Variants in LRRC41 observed in about 807,000 individuals in gnomAD.
LRRC41 encodes leucine rich repeat containing 41, also known as leucine-rich repeat-containing protein 41.
In LRRC41, 17 loss-of-function variants were observed where a neutral mutation model predicts 72.1. The ratio of observed to expected loss-of-function variants is 0.24; its 90% CI spans 0.16 to 0.35. The LOEUF (loss-of-function observed/expected upper bound fraction) is 0.35, where lower values mean the gene tolerates loss of function less well. Ranked by LOEUF, LRRC41 falls within the 10% of genes least tolerant of loss-of-function variation. LRRC41 has a pLI of 1.00. For synonymous variants in LRRC41, 427 were observed against 431.0 expected (o/e 0.99, Z 0.11); for missense variants, 759 against 1,065.0 (o/e 0.71, Z 4.00).
rs200884096 is a variant in LRRC41, at chr1:46,285,824, G to T, written c.1033C>A (p.Pro345Thr). The T allele has an allele frequency of 3.9e-5, 63 of 1,595,248 alleles. No homozygotes were observed. Among genetic ancestry groups the T allele is most frequent in the Admixed American group, 3.4e-4 (19 of 56,372 alleles). The change falls in exon 4 of 10, where the codon CCA becomes ACA. Residue 345 changes from proline (P) to threonine (T), a missense_variant. Pro to Thr is a conservative substitution (Grantham distance 38). Around this residue, in one of 4 missense-constraint regions of LRRC41, gnomAD observed 427 missense variants for 520.9 expected, o/e 0.82. Coordinates refer to ENST00000617190, the MANE Select transcript of LRRC41 (RefSeq NM_006369.5). This position sits in a 1 kb window ranked among gnomAD's most constrained non-coding sequence, Gnocchi z 5.3. ...CCAGGAGCCTCATGGGAGGTGGCTG[G>T]GGGGTGCAGCTCCCTCTTAAGGTCT... The part of the protein sequence containing the change: ...GTDLKRELHP[P>T]ATSHEAPGTK...
intron 3 of LRRC41, among the ~76,000 whole-genome samples, chr1:46,289,853 C>T (rs1027404021): frequency 4.6e-5 from 7 of 152,074 alleles, no homozygotes; most frequent in Non-Finnish European, 1.0e-4. Flanking sequence ...TATGCTATCA[C>T]GATGCAAAGT....
At chr1:46,299,060 T>C (rs2148326714) in intron 1 of LRRC41, 1 of 152,372 alleles carries the variant, frequency 6.6e-6, no homozygotes, top group East Asian at 1.9e-4. Context: ...TAGAAACAAT[T>C]CGTGTCTCTA....
chr1:46,302,444 G>A lies in LRRC41; in HGVS notation c.199+680C>T. On this transcript the variant is annotated intron_variant, in intron 1 of 9. Coordinates refer to ENST00000617190, the MANE Select transcript of LRRC41 (RefSeq NM_006369.5). This position sits in a 1 kb window ranked among gnomAD's most constrained non-coding sequence, Gnocchi z 4.7. ...CTGCGGGTCGCACGGTCGCTCGGTC[G>A]CTTAGTCAGTTTGGCACCCGAGACC... 2 of 985,314 alleles carry A rather than the reference G, an allele frequency of 2.0e-6. No individual in the cohort carries two copies. Among genetic ancestry groups the A allele is most frequent in the East Asian group, 1.1e-4 (1 of 8,794 alleles). The allele number at this position is 985,314 out of a possible 1,614,324, so 61.0% of individuals were successfully genotyped here.
intron 3 of LRRC41, among the ~76,000 whole-genome samples, chr1:46,291,854 C>A: frequency 6.6e-6 from 1 of 151,120 alleles, no homozygotes; most frequent in East Asian, 2.0e-4. Flanking sequence ...GCCACCACGC[C>A]CAGCCTAAAT....
intron 3 of LRRC41, among the ~76,000 whole-genome samples, chr1:46,293,999 T>TA (rs1201081987): frequency 2.0e-5 from 3 of 151,714 alleles, no homozygotes; most frequent in African/African-American, 4.8e-5. Flanking sequence ...TGACCTCAAG[T>TA]ATCTGCCCAC....
In LRRC41 at chr1:46,281,118, G is replaced by A; in HGVS notation, c.1756+7C>T. ...GCACACACACAAACACACACACAGT[G>A]CTTCACCTGGTATCTCCTCATCGCC... On this transcript the variant is annotated splice_region_variant and intron_variant, in intron 5 of 9. Coordinates refer to ENST00000617190, the MANE Select transcript of LRRC41 (RefSeq NM_006369.5). The A allele has an allele frequency of 6.2e-7, 1 of 1,613,522 alleles. No individual in the cohort carries two copies. The highest frequency in any genetic ancestry group is 8.5e-7 in the Non-Finnish European group (1 of 1,179,696).
In LRRC41 at chr1:46,302,401, C is replaced by A. The variant is rs1661256239; in HGVS notation, c.199+723G>T. The A allele has an allele frequency of 1.0e-6, 1 of 985,464 alleles. No individual in the cohort carries two copies. Among genetic ancestry groups the A allele is most frequent in the Non-Finnish European group, 1.2e-6 (1 of 829,936 alleles). The allele number at this position is 985,464 out of a possible 1,614,324, so 61.0% of individuals were successfully genotyped here. A position where few individuals can be genotyped will look rare whatever the true frequency, so the allele number is the denominator to read the frequency against. On this transcript the variant is annotated intron_variant, in intron 1 of 9. Coordinates refer to ENST00000617190, the MANE Select transcript of LRRC41 (RefSeq NM_006369.5). The surrounding 1 kb of genome is among the most constrained non-coding windows in gnomAD (Gnocchi z 4.7). ...TCGCCGCTCGAGCCGATCCGAGTGG[C>A]CTCCGGCGCTCCCTGTCCTGCGGGT...
intron 3 of LRRC41, among the ~76,000 whole-genome samples, chr1:46,295,956 T>G (rs1661115999): frequency 6.8e-6 from 1 of 147,800 alleles, no homozygotes; most frequent in Non-Finnish European, 1.5e-5. Flanking sequence ...TGACATTAGC[T>G]TTTTTTCCAC....
At position 46,286,239 on chromosome 1, in the gene LRRC41, A is replaced by G. The variant is rs755945284; in HGVS notation, c.618T>C (p.Ser206=). The G allele has an allele frequency of 3.7e-6, 6 of 1,614,264 alleles. No individual in the cohort carries two copies. Among genetic ancestry groups the G allele is most frequent in the East Asian group, 2.2e-5 (1 of 44,890 alleles). ...GAAGTGACTGCTGAGCAGCCACATC[A>G]GAGAACAGCAGGTGGCGGAACTTGA... The part of the protein sequence containing the change: ...HTLKFRHLLF[S]DVAAQQSLRQ... Residue 206 remains serine (S), a synonymous_variant, in exon 4 of 10, where the codon TCT becomes TCC. Transcript: ENST00000617190. This position sits in a 1 kb window ranked among gnomAD's most constrained non-coding sequence, Gnocchi z 5.5.
Position 46,286,260 on chromosome 1 carries a change from C to T in LRRC41, c.597G>A (p.Lys199=), listed in dbSNP as rs773396100. ...ETLASSLHTL[K]FRHLLFSDVA... Reference sequence around the variant, plus strand: ...CATCAGAGAACAGCAGGTGGCGGAACTTGAGAGTGTGCAGGGAGCTGGCCA... The same window carrying T: ...CATCAGAGAACAGCAGGTGGCGGAATTTGAGAGTGTGCAGGGAGCTGGCCA... The change falls in exon 4 of 10, where the codon AAG becomes AAA. Residue 199 remains lysine, a synonymous_variant. Transcript: ENST00000617190. This position sits in a 1 kb window ranked among gnomAD's most constrained non-coding sequence, Gnocchi z 5.5. 5.6e-6 allele frequency: 9 copies of T among 1,614,240 alleles called. No homozygotes were observed. The highest frequency in any genetic ancestry group is 7.6e-6 in the Non-Finnish European group (9 of 1,180,042).
chr1:46,287,310 C>G (rs1311065173), intron 3 of LRRC41, among the ~76,000 whole-genome samples: 1 of 151,540 alleles, frequency 6.6e-6, no homozygotes, highest in Non-Finnish European at 1.5e-5. Context: ...GGGTTTCACC[C>G]TGTTAGCCAG....
intron 4 of LRRC41, among the ~76,000 whole-genome samples, chr1:46,281,735 A>C (rs896603342): frequency 6.6e-6 from 1 of 152,210 alleles, no homozygotes; most frequent in Non-Finnish European, 1.5e-5. Flanking sequence ...TTTCTGAAGA[A>C]ACTGGCCTTG....
chr1:46,285,637 C>T lies in LRRC41; in HGVS notation c.1220G>A (p.Gly407Asp), dbSNP rs761844769. Residue 407 changes from glycine (G) to aspartate (D), a missense_variant, in exon 4 of 10, where the codon GGT (glycine) becomes GAT (aspartate). Coordinates refer to ENST00000617190, the MANE Select transcript of LRRC41 (RefSeq NM_006369.5). The surrounding 1 kb of genome is among the most constrained non-coding windows in gnomAD (Gnocchi z 5.3). ...GTCATACAGGTCTTCAGACTCTGCA[C>T]CAGGCCCCTGACGGGTGCGAGCACC... ...KKGARTRQGP[G>D]AESEDLYDFV... 1.2e-5 allele frequency: 20 copies of T among 1,614,210 alleles called. No homozygotes were observed. Among genetic ancestry groups the T allele is most frequent in the Non-Finnish European group, 5.1e-6 (6 of 1,180,044 alleles).
In LRRC41 at chr1:46,281,146, T is replaced by C. The variant is rs750901474; in HGVS notation, c.1735A>G (p.Ile579Val). Residue 579 changes from isoleucine to valine, a missense_variant, in exon 5 of 10, where the codon ATA becomes GTA. This residue lies in a region of LRRC41 where 427 missense variants were observed against 520.9 expected (regional missense o/e 0.82). Transcript: ENST00000617190. Reference sequence around the variant, plus strand: ...TCACCTGGTATCTCCTCATCGCCTATTATGTGGCTAGGGGGCCCTGCATTC... The same window carrying C: ...TCACCTGGTATCTCCTCATCGCCTACTATGTGGCTAGGGGGCCCTGCATTC... ...PGNAGPPSHI[I>V]GDEEIPENCL... 6.2e-7 allele frequency: 1 copy of C among 1,613,932 alleles called. No individual in the cohort carries two copies. The highest frequency in any genetic ancestry group is 8.5e-7 in the Non-Finnish European group (1 of 1,179,886).
intron 5 of LRRC41, 143 bp downstream of exon 5, chr1:46,280,982 G>T: frequency 8.8e-7 from 1 of 1,141,064 alleles, no homozygotes; most frequent in Non-Finnish European, 1.2e-6. Flanking sequence ...TTAGTGGTAG[G>T]CTCTAAAGGG....
chr1:46,281,015 G>C, intron 5 of LRRC41, 110 bp downstream of exon 5: 1 of 1,459,690 alleles, frequency 6.9e-7, no homozygotes, highest in Non-Finnish European at 9.3e-7. Flanking sequence ...AGATAAGCCA[G>C]GAATGAGTGA....
At chr1:46,300,106 T>G (rs977375125) in intron 1 of LRRC41, 20 of 152,094 alleles carry the variant, frequency 1.3e-4, no homozygotes, top group African/African-American at 4.3e-4. Flanking sequence ...GTAGGGGGCA[T>G]TGCTTAAGTC....
At position 46,302,681 on chromosome 1, in the gene LRRC41, C is replaced by T. The variant is rs1483879916; in HGVS notation, c.199+443G>A. On this transcript the variant is annotated intron_variant, in intron 1 of 9. Transcript: ENST00000617190. The surrounding 1 kb of genome is among the most constrained non-coding windows in gnomAD (Gnocchi z 4.7). ...GGGCCATCAGTCAGGTTCGGTGGCC[C>T]CGGGCCTGGCCTGGCCTTGCCTTAG... 8 of 985,428 alleles carry T rather than the reference C, an allele frequency of 8.1e-6. No homozygotes were observed. Among genetic ancestry groups the T allele is most frequent in the Non-Finnish European group, 9.6e-6 (8 of 829,918 alleles). 61.0% of individuals were successfully genotyped at this position (985,428 alleles called of 1,614,324 possible).
chr1:46,296,570 TG>T (rs1241577769), intron 3 of LRRC41, among the ~76,000 whole-genome samples: 1 of 152,180 alleles, frequency 6.6e-6, no homozygotes, highest in Non-Finnish European at 1.5e-5. Flanking sequence ...CACCTAGTTA[TG>T]GGGCAGCAAA....
Sources: gnomAD v4.1 joint callset for allele counts (sites outside exome capture counted in the v4.1 genomes callset) on GRCh38, gnomAD v4.1.1 for gene constraint, gnomAD v4.1.1 regional missense constraint, Gnocchi (gnomAD v3.1) non-coding constraint, MANE v1.5 for transcripts, NCBI Gene and HGNC (gene_info 2026-07-23, HGNC 2026-07-21) for gene names.